TPPP: variants seen among roughly 807,000 people sequenced by gnomAD.
TPPP encodes the protein tubulin polymerization promoting protein.
A neutral mutation model predicts 15.5 loss-of-function variants in TPPP; 6 were observed. The ratio of observed to expected loss-of-function variants is 0.39; its 90% CI spans 0.21 to 0.77. TPPP has a LOEUF of 0.77. Ranked by LOEUF, TPPP falls within the 30% of genes least tolerant of loss-of-function variation. The pLI, the probability that TPPP is intolerant of heterozygous loss-of-function variation, is 0.42. For synonymous variants in TPPP, 146 were observed against 133.9 expected (o/e 1.09, Z -0.63); for missense variants, 269 against 307.2 (o/e 0.88, Z 0.93).
intron 3 of TPPP, among the ~76,000 whole-genome samples, 190 bp downstream of exon 3, chr5:665,780 G>A (rs1220404267): frequency 7.1e-6 from 1 of 140,412 alleles, no homozygotes; most frequent in African/African-American, 2.7e-5. Context: ...CCCCATTCAT[G>A]CCCCTTCTGA....
intron 2 of TPPP, chr5:676,452 G>C (rs979405594): frequency 6.6e-6 from 1 of 152,248 alleles, no homozygotes; most frequent in Non-Finnish European, 1.5e-5. Context: ...TCTGACCCAC[G>C]GCCCGGCCCC....
intron 2 of TPPP, among the ~76,000 whole-genome samples, chr5:668,967 G>C (rs1281624683): frequency 6.6e-6 from 1 of 152,212 alleles, no homozygotes; most frequent in Non-Finnish European, 1.5e-5. Flanking sequence ...TGTTTAAACA[G>C]CACCTGAGGG....
intron 2 of TPPP, among the ~76,000 whole-genome samples, chr5:672,616 G>A (rs1740263126): frequency 6.6e-6 from 1 of 152,222 alleles, no homozygotes; most frequent in Non-Finnish European, 1.5e-5. Context: ...TGGGGAGGCA[G>A]CAGCTGAGCC....
chr5:698,614 C>T, the TPPP span, among the ~76,000 whole-genome samples: 1 of 151,838 alleles, frequency 6.6e-6, no homozygotes, highest in Non-Finnish European at 1.5e-5. Flanking sequence ...CTTATAAAAC[C>T]ATCAGGTCTC....
At chr5:669,319 G>A (rs1740100052) in intron 2 of TPPP, among the ~76,000 whole-genome samples, 1 of 138,478 alleles carries the variant, frequency 7.2e-6, no homozygotes, top group Admixed American at 7.0e-5. Context: ...TCTGTGGCGT[G>A]GGGGTCCGCG....
chr5:671,798 G>T, intron 2 of TPPP, among the ~76,000 whole-genome samples: 1 of 152,238 alleles, frequency 6.6e-6, no homozygotes, highest in East Asian at 1.9e-4. Flanking sequence ...TGGCCCCAGG[G>T]CTCCAGAGCC....
chr5:669,432 T>TGGAACTGACAGTGCCC (rs1227537567), intron 2 of TPPP, among the ~76,000 whole-genome samples: 1 of 152,284 alleles, frequency 6.6e-6, no homozygotes, highest in East Asian at 1.9e-4. Flanking sequence ...CCACAGTGCC[T>TGGAACTGACAGTGCCC]GGAACTGACA....
chr5:684,402 C>G (rs2126910195), intron 1 of TPPP, among the ~76,000 whole-genome samples: 1 of 152,308 alleles, frequency 6.6e-6, no homozygotes, highest in Middle Eastern at 3.4e-3. Flanking sequence ...GTCCTGGCCC[C>G]AAGCTGCCCA....
chr5:675,903 A>T (rs1740415532), intron 2 of TPPP: 1 of 152,216 alleles, frequency 6.6e-6, no homozygotes, highest in Admixed American at 6.5e-5. Context: ...GCCCATGAGG[A>T]CACTGAGGCT....
chr5:696,182 A>T (rs950882121), upstream of TPPP, among the ~76,000 whole-genome samples: 2 of 138,204 alleles, frequency 1.4e-5, no homozygotes, highest in African/African-American at 5.3e-5. Flanking sequence ...TAGCACTGGA[A>T]GCCCTGGGTG....
In TPPP at chr5:665,226, C is replaced by A; in HGVS notation, c.536G>T (p.Arg179Leu). The change falls in exon 4 of 4, where the codon CGC becomes CTC. Residue 179 changes from arginine to leucine, a missense_variant. Transcript: ENST00000360578. ...TTKFTGSHKE[R>L]FDPSGKGKGK... Reference sequence around the variant, plus strand: ...CTTGCCCTTGCCAGAGGGGTCGAAGCGCTCCTTGTGGGAGCCCGTGAACTT... The same window carrying A: ...CTTGCCCTTGCCAGAGGGGTCGAAGAGCTCCTTGTGGGAGCCCGTGAACTT... The A allele has an allele frequency of 6.2e-7, 1 of 1,613,864 alleles. No homozygotes were observed. The highest frequency in any genetic ancestry group is 8.5e-7 in the Non-Finnish European group (1 of 1,179,970).
chr5:700,308 C>G, the TPPP span, among the ~76,000 whole-genome samples: 1 of 151,960 alleles, frequency 6.6e-6, no homozygotes, highest in Non-Finnish European at 1.5e-5. Context: ...GGATAGAGGC[C>G]ATTATCCTGA....
intron 1 of TPPP, 71 bp from the exon 2 acceptor site, chr5:678,135 A>G: frequency 1.4e-6 from 2 of 1,411,946 alleles, no homozygotes; most frequent in Non-Finnish European, 1.9e-6. Context: ...AGCCCAGGAA[A>G]CCCCGCCGTA....
chr5:691,946 C>G (rs1365095896), intron 1 of TPPP, among the ~76,000 whole-genome samples: 3 of 112,768 alleles, frequency 2.7e-5, no homozygotes, highest in African/African-American at 6.8e-5. Flanking sequence ...AAAACAGCAG[C>G]CCCCAACCCC....
chr5:669,616 GAC>G lies in TPPP; in HGVS notation c.312-3495_312-3494del, dbSNP rs780011439. ...AGTGCTGAGGCACGCAGCCCTTTCT[GAC>G]GGCCTCGGAGCCAGGCACCACCAGC... On this transcript the variant is annotated intron_variant, in intron 2 of 3. Transcript: ENST00000360578. Among the ~76,000 whole-genome samples the G allele has an allele frequency of 1.5e-3, 235 of 152,274 alleles. 2 individuals are homozygous for G. Among genetic ancestry groups the G allele is most frequent in the Middle Eastern group, 3.4e-3 (1 of 294 alleles).
At chr5:672,984 T>C (rs1055432498) in intron 2 of TPPP, among the ~76,000 whole-genome samples, 1 of 152,192 alleles carries the variant, frequency 6.6e-6, no homozygotes, top group Non-Finnish European at 1.5e-5. Flanking sequence ...GGTGGAGCCA[T>C]GGCAACCTGC....
At position 666,023 on chromosome 5, in the gene TPPP, G is replaced by T. The variant is rs200582979; in HGVS notation, c.412C>A (p.Arg138Ser). ...CCCTCGATGAGCCTGTGCACCTCGCGAACGGCCTCCTCGCTGCTCTTGTCT... is the reference window on the plus strand; with the variant it reads ...CCCTCGATGAGCCTGTGCACCTCGCTAACGGCCTCCTCGCTGCTCTTGTCT... ...FKDKSSEEAV[R>S]EVHRLIEGKA... The change falls in exon 3 of 4, where the codon CGC becomes AGC. Residue 138 changes from arginine (R) to serine (S), a missense_variant. By Grantham distance (110) the Arg-to-Ser change is moderately radical. Transcript: ENST00000360578. The T allele has an allele frequency of 6.3e-7, 1 of 1,598,446 alleles. No individual in the cohort carries two copies. The highest frequency in any genetic ancestry group is 1.7e-4 in the Middle Eastern group (1 of 6,010).
rs907996780 is a variant in TPPP at position 663,814 on chromosome 5, G to A, written c.*1288C>T. The stretch of plus-strand genomic sequence containing the variant: ...ATCCGCAGGTAGACTCCAGAACCAC[G>A]GCCCAGCAGGTCACACGTGTGGCTG... On this transcript the variant is annotated 3_prime_UTR_variant, in exon 4 of 4. Transcript: ENST00000360578. 1 of 152,340 alleles carries A rather than the reference G, an allele frequency of 6.6e-6. No homozygotes were observed. The highest frequency in any genetic ancestry group is 1.5e-5 in the Non-Finnish European group (1 of 68,096). The allele number at this position is 152,340 out of a possible 1,614,324, so 9.4% of individuals were successfully genotyped here.
rs1739747386 is a variant in TPPP, at chr5:663,238, C to T, written c.*1864G>A. 6.6e-6 allele frequency: 1 copy of T among 152,144 alleles called. No homozygotes were observed. The highest frequency in any genetic ancestry group is 2.4e-5 in the African/African-American group (1 of 41,398). The allele number at this position is 152,144 out of a possible 1,614,324, so 9.4% of individuals were successfully genotyped here. A position where few individuals can be genotyped will look rare whatever the true frequency, so the allele number is the denominator to read the frequency against. On this transcript the variant is annotated 3_prime_UTR_variant, in exon 4 of 4. Coordinates refer to ENST00000360578, the MANE Select transcript of TPPP (RefSeq NM_007030.3). Reference sequence around the variant, plus strand: ...ATCGGGTGATTCCGAACCGCACATTCAGAGTTGTTTTCAAATGTTTCCGCA... The same window carrying T: ...ATCGGGTGATTCCGAACCGCACATTTAGAGTTGTTTTCAAATGTTTCCGCA...
Sources: allele counts gnomAD v4.1 joint callset (sites outside exome capture counted in the v4.1 genomes callset), GRCh38; gene constraint gnomAD v4.1.1; transcripts MANE v1.5; gene names NCBI Gene and HGNC (gene_info 2026-07-23, HGNC 2026-07-21).